HBZ: variants seen among roughly 807,000 people sequenced by gnomAD.
HBZ encodes the protein hemoglobin subunit zeta.
A neutral mutation model predicts 5.8 loss-of-function variants in HBZ; 2 were observed. That is an observed-to-expected ratio of 0.34 (90% confidence interval 0.14 to 1.09). HBZ has a LOEUF of 1.09. Among genes scored for constraint, HBZ ranks in the 50% least tolerant of loss-of-function variants. HBZ has a pLI of 0.42. For missense variants in HBZ, 47 were observed against 97.8 expected (o/e 0.48, Z 2.19); for synonymous variants, 39 against 47.4 (o/e 0.82, Z 0.73).
chr16:154,501 G>A lies in HBZ; in HGVS notation c.*101G>A, dbSNP rs746262034. 1.7e-5 allele frequency: 14 copies of A among 827,788 alleles called. No homozygotes were observed. The highest frequency in any genetic ancestry group is 3.6e-5 in the African/African-American group (2 of 54,946). The allele number at this position is 827,788 out of a possible 1,614,324, so 51.3% of individuals were successfully genotyped here. A position where few individuals can be genotyped will look rare whatever the true frequency, so the allele number is the denominator to read the frequency against. On this transcript the variant is annotated 3_prime_UTR_variant, in exon 3 of 3. Transcript: ENST00000252951. The stretch of plus-strand genomic sequence containing the variant: ...GTAATGCGCCAATAAACCAATGAAC[G>A]AAGCAGCGTCCACCTGGTCTCTGTT...
intron 1 of HBZ, among the ~76,000 whole-genome samples, chr16:153,479 G>A (rs1901655405): frequency 2.1e-5 from 2 of 97,238 alleles, no homozygotes; most frequent in Admixed American, 1.1e-4. Context: ...CCTGGGAGGG[G>A]CCAGGGAGCT....
chr16:154,330 C>T lies in HBZ; in HGVS notation c.359C>T (p.Ala120Val), dbSNP rs1174523797. ...LAARFPADFT[A>V]EAHAAWDKFL... ...GCGCGCTTCCCCGCCGACTTCACGG[C>T]CGAGGCCCACGCCGCCTGGGACAAG... is the stretch of plus-strand genomic sequence containing the variant. Residue 120 changes from alanine to valine, a missense_variant, in exon 3 of 3, where the codon GCC (alanine) becomes GTC (valine). Around this residue, in one of 3 missense-constraint regions of HBZ, gnomAD observed 18 missense variants for 39.4 expected, o/e 0.46. Coordinates refer to ENST00000252951, the MANE Select transcript of HBZ (RefSeq NM_005332.3). 2.6e-6 allele frequency: 4 copies of T among 1,534,444 alleles called. No homozygotes were observed. Among genetic ancestry groups the T allele is most frequent in the Non-Finnish European group, 3.5e-6 (4 of 1,137,680 alleles).
chr16:154,121 G>GGCGGGGCGCGGTGCGGGCGGT (rs1567158019), intron 2 of HBZ, 25 bp downstream of exon 2: 30 of 46,030 alleles, frequency 6.5e-4, no homozygotes, highest in African/African-American at 5.5e-3. Context: ...GTGCGGGCGG[G>GGCGGGGCGCGGTGCGGGCGGT]GCGGGACGGG....
rs543686728 is a variant in HBZ, at chr16:152,993, G to C, written c.84G>C (p.Glu28Asp). The C allele has an allele frequency of 3.1e-6, 5 of 1,605,744 alleles. No homozygotes were observed. The highest frequency in any genetic ancestry group is 3.4e-6 in the Non-Finnish European group (4 of 1,175,790). The change falls in exon 1 of 3, where the codon GAG (glutamate) becomes GAC (aspartate). Residue 28 changes from glutamate (E) to aspartate (D), a missense_variant. Glu to Asp is a conservative substitution (Grantham distance 45, BLOSUM62 2). This residue lies in a region of HBZ where 29 missense variants were observed against 39.7 expected (regional missense o/e 0.73). Transcript: ENST00000252951. ...CGCAGGCCGACACCATCGGCACCGA[G>C]ACTCTGGAGAGGTGAGTGTCAGACG... ...ISTQADTIGT[E>D]TLERLFLSHP...
At chr16:154,164 CGGGGCGGGGAGGGGCGGGGA>C (rs1306451143) in intron 2 of HBZ, 68 bp downstream of exon 2, 32 of 44,480 alleles carry the variant, frequency 7.2e-4, no homozygotes, top group African/African-American at 7.0e-3. Context: ...CGGGGCGGGG[CGGGGCGGGGAGGGGCGGGGA>C]GGGGCGGGGT....
In HBZ at chr16:154,482, C is replaced by A. The variant is rs777046880; in HGVS notation, c.*82C>A. On this transcript the variant is annotated 3_prime_UTR_variant, in exon 3 of 3. Coordinates refer to ENST00000252951, the MANE Select transcript of HBZ (RefSeq NM_005332.3). ...CCCCAGCCCCACTTACCGCGTAATG[C>A]GCCAATAAACCAATGAACGAAGCAG... 4 of 961,818 alleles carry A rather than the reference C, an allele frequency of 4.2e-6. No homozygotes were observed. Among genetic ancestry groups the A allele is most frequent in the African/African-American group, 3.5e-5 (2 of 57,486 alleles). 59.6% of individuals were successfully genotyped at this position (961,818 alleles called of 1,614,324 possible).
rs543686728 is a variant in HBZ at position 152,993 on chromosome 16, G to A, written c.84G>A (p.Glu28=). 2.5e-6 allele frequency: 4 copies of A among 1,605,744 alleles called. No homozygotes were observed. Among genetic ancestry groups the A allele is most frequent in the South Asian group, 1.1e-5 (1 of 90,932 alleles). Reference sequence around the variant, plus strand: ...CGCAGGCCGACACCATCGGCACCGAGACTCTGGAGAGGTGAGTGTCAGACG... The same window carrying A: ...CGCAGGCCGACACCATCGGCACCGAAACTCTGGAGAGGTGAGTGTCAGACG... The part of the protein sequence containing the change: ...ISTQADTIGT[E]TLERLFLSHP... Residue 28 remains glutamate (E), a synonymous_variant, in exon 1 of 3, where the codon GAG becomes GAA. Coordinates refer to ENST00000252951, the MANE Select transcript of HBZ (RefSeq NM_005332.3).
At chr16:154,167 G>GGCGCGGTC (rs1901669018) in intron 2 of HBZ, 71 bp downstream of exon 2, 1 of 23,774 alleles carries the variant, frequency 4.2e-5, no homozygotes, top group African/African-American at 7.8e-4. Flanking sequence ...GGCGGGGCGG[G>GGCGCGGTC]GCGGGGAGGG....
chr16:154,462 G>A lies in HBZ; in HGVS notation c.*62G>A. On this transcript the variant is annotated 3_prime_UTR_variant, in exon 3 of 3. Transcript: ENST00000252951. ...CCTCCCCCGTCCTGGAGGTTCCCCA[G>A]CCCCACTTACCGCGTAATGCGCCAA... 2.5e-6 allele frequency: 3 copies of A among 1,185,882 alleles called. No homozygotes were observed. Among genetic ancestry groups the A allele is most frequent in the East Asian group, 3.3e-5 (1 of 30,454 alleles). 73.5% of individuals were successfully genotyped at this position (1,185,882 alleles called of 1,614,324 possible). A position where few individuals can be genotyped will look rare whatever the true frequency, so the allele number is the denominator to read the frequency against.
In HBZ at chr16:152,834, G is replaced by C. The variant is rs1035033590; in HGVS notation, c.-76G>C. 1.3e-6 allele frequency: 2 copies of C among 1,595,758 alleles called. No individual in the cohort carries two copies. Among genetic ancestry groups the C allele is most frequent in the African/African-American group, 2.7e-5 (2 of 74,660 alleles). On this transcript the variant is annotated 5_prime_UTR_variant, in exon 1 of 3. Transcript: ENST00000252951. ...TGGGCCCAGCTCCCTGTATATAAGG[G>C]GACCCTGGGGGCTGAGCACTACCAA...
chr16:153,593 T>G (rs1901656352), intron 1 of HBZ, among the ~76,000 whole-genome samples: 1 of 16,680 alleles, frequency 6.0e-5, no homozygotes, highest in African/African-American at 2.2e-4. Context: ...GAGGAGACGG[T>G]GGAGGGGCTG....
chr16:154,488 T>A lies in HBZ; in HGVS notation c.*88T>A. The A allele has an allele frequency of 1.1e-6, 1 of 925,274 alleles. No homozygotes were observed. The highest frequency in any genetic ancestry group is 1.5e-6 in the Non-Finnish European group (1 of 660,892). 57.3% of individuals were successfully genotyped at this position (925,274 alleles called of 1,614,324 possible). On this transcript the variant is annotated 3_prime_UTR_variant, in exon 3 of 3. Transcript: ENST00000252951. ...CCCCACTTACCGCGTAATGCGCCAA[T>A]AAACCAATGAACGAAGCAGCGTCCA...
rs1454703074 is a variant in HBZ at position 152,662 on chromosome 16, C to A, written c.-248C>A. 9.6e-6 allele frequency: 6 copies of A among 623,808 alleles called. No homozygotes were observed. The African/African-American group carries it at 1.1e-4, about 12-fold the overall frequency. The allele number at this position is 623,808 out of a possible 1,614,324, so 38.6% of individuals were successfully genotyped here. A position where few individuals can be genotyped will look rare whatever the true frequency, so the allele number is the denominator to read the frequency against. On this transcript the variant is annotated 5_prime_UTR_variant, in exon 1 of 3. Coordinates refer to ENST00000252951, the MANE Select transcript of HBZ (RefSeq NM_005332.3). ...TGTGGTCAGACTCTGGCCAACACCCCCTGTAAGGCCACAGGAGAGGAACAG... is the reference window on the plus strand; with the variant it reads ...TGTGGTCAGACTCTGGCCAACACCCACTGTAAGGCCACAGGAGAGGAACAG...
chr16:152,744 G>A lies in HBZ; in HGVS notation c.-166G>A. 3 of 1,265,128 alleles carry A rather than the reference G, an allele frequency of 2.4e-6. No individual in the cohort carries two copies. Among genetic ancestry groups the A allele is most frequent in the Non-Finnish European group, 3.2e-6 (3 of 938,046 alleles). The allele number at this position is 1,265,128 out of a possible 1,614,324, so 78.4% of individuals were successfully genotyped here. On this transcript the variant is annotated 5_prime_UTR_variant, in exon 1 of 3. Transcript: ENST00000252951. ...GGCCCTGAGGGCCCCTTTGTCACTG[G>A]ATCTGATAAGAAACACCACCCCTGC... is the stretch of plus-strand genomic sequence containing the variant.
intron 1 of HBZ, among the ~76,000 whole-genome samples, chr16:153,210 A>C (rs957936237): frequency 9.2e-5 from 14 of 151,574 alleles, no homozygotes; most frequent in Non-Finnish European, 1.8e-4. Context: ...GGGGACAGTG[A>C]GGAAGGGACA....
At chr16:153,225 G>GGAGGGGACAGTGAGGAAGGGACAGTGGA (rs1319185103) in intron 1 of HBZ, among the ~76,000 whole-genome samples, 13 of 152,024 alleles carry the variant, frequency 8.6e-5, no homozygotes, top group Non-Finnish European at 1.3e-4. Flanking sequence ...GGGACAGTGA[G>GGAGGGGACAGTGAGGAAGGGACAGTGGA]GACAGATAGC....
rs1451985586 is a variant in HBZ at position 152,727 on chromosome 16, G to A, written c.-183G>A. On this transcript the variant is annotated 5_prime_UTR_variant, in exon 1 of 3. Transcript: ENST00000252951. ...AAACCCCAGTCCCACCAGGCCCTGA[G>A]GGCCCCTTTGTCACTGGATCTGATA... 9.4e-6 allele frequency: 11 copies of A among 1,167,334 alleles called. 1 individual carries two copies. Among genetic ancestry groups the A allele is most frequent in the East Asian group, 2.6e-5 (1 of 38,236 alleles). The allele number at this position is 1,167,334 out of a possible 1,614,324, so 72.3% of individuals were successfully genotyped here.
chr16:153,474 G>T (rs1196962267), intron 1 of HBZ, among the ~76,000 whole-genome samples: 2 of 100,038 alleles, frequency 2.0e-5, no homozygotes, highest in African/African-American at 3.5e-5. Context: ...GATCCCCTGG[G>T]AGGGGCCAGG....
intron 2 of HBZ, 71 bp downstream of exon 2, chr16:154,167 G>GTC (rs1901668781): frequency 4.2e-5 from 1 of 23,770 alleles, no homozygotes; most frequent in East Asian, 2.1e-3. Context: ...GGCGGGGCGG[G>GTC]GCGGGGAGGG....
Sources: gnomAD v4.1 joint callset for allele counts (sites outside exome capture counted in the v4.1 genomes callset) on GRCh38, gnomAD v4.1.1 for gene constraint, gnomAD v4.1.1 regional missense constraint, MANE v1.5 for transcripts, NCBI Gene and HGNC (gene_info 2026-07-23, HGNC 2026-07-21) for gene names.